Variants in MARK3 observed in about 807,000 individuals in gnomAD.
MARK3 encodes microtubule affinity regulating kinase 3.
Under a neutral mutation model 90.1 loss-of-function variants are expected in MARK3, and 46 were observed. The observed-to-expected ratio is 0.51, with a 90% CI of 0.40 to 0.65. The LOEUF is 0.65. Among genes scored for constraint, MARK3 ranks in the 30% least tolerant of loss-of-function variants. The pLI is 0.00. For missense variants in MARK3, 818 were observed against 947.2 expected (o/e 0.86, Z 1.79); for synonymous variants, 321 against 332.6 (o/e 0.97, Z 0.38).
intron 1 of MARK3, among the ~76,000 whole-genome samples, chr14:103,387,023 A>C (rs8004780): frequency 0.33 from 49,922 of 152,110 alleles, 8,601 homozygotes; most frequent in Non-Finnish European, 0.36. Context: ...CTAGTTGTTG[A>C]CTATATTCTG....
intron 15 of MARK3, among the ~76,000 whole-genome samples, chr14:103,497,501 A>C (rs1286111328): frequency 6.6e-6 from 1 of 152,222 alleles, no homozygotes; most frequent in Non-Finnish European, 1.5e-5. Context: ...TTTCAGCACA[A>C]CCTGCACATC....
At chr14:103,430,292 G>A (rs1416110333) in intron 3 of MARK3, among the ~76,000 whole-genome samples, 1 of 152,048 alleles carries the variant, frequency 6.6e-6, no homozygotes, top group Non-Finnish European at 1.5e-5. Context: ...AACTTCATAT[G>A]CTTATGAAGT....
chr14:103,415,917 A>G (rs1367949436), intron 2 of MARK3, among the ~76,000 whole-genome samples: 1 of 152,154 alleles, frequency 6.6e-6, no homozygotes, highest in Non-Finnish European at 1.5e-5. Context: ...CTCCAAATTT[A>G]TCATTTTAAA....
Position 103,428,407 on chromosome 14 carries a change from C to A in MARK3, c.264C>A (p.Asp88Glu). ...TGREVAIKII[D>E]KTQLNPTSLQ... is the part of the protein sequence containing the mutation. Reference sequence around the variant, plus strand: ...TCTAGGTTGCAATAAAAATAATTGACAAAACTCAGTTGAATCCAACAAGTC... The same window carrying A: ...TCTAGGTTGCAATAAAAATAATTGAAAAAACTCAGTTGAATCCAACAAGTC... Residue 88 changes from aspartate to glutamate, a missense_variant, in exon 3 of 18, where the codon GAC (aspartate) becomes GAA (glutamate). Transcript: ENST00000429436. The A allele has an allele frequency of 6.7e-7, 1 of 1,494,118 alleles. No homozygotes were observed. The allele number at this position is 1,494,118 out of a possible 1,614,324, so 92.6% of individuals were successfully genotyped here.
rs116882070 is a variant in MARK3, at chr14:103,400,012, G to C, written c.52-5064G>C. 4.2e-4 allele frequency among the ~76,000 whole-genome samples: 63 copies of C among 151,208 alleles called. No homozygotes were observed. In the East Asian group the frequency reaches 0.011, roughly 27 times the overall value. On this transcript the variant is annotated intron_variant, in intron 1 of 17. Coordinates refer to ENST00000429436, the MANE Select transcript of MARK3 (RefSeq NM_001128918.3). ...GGCGGAATCTCAGCTCACTGCAACTGTCGCCTCCCTTGTTCAAGCGATTCT... is the reference window on the plus strand; with the variant it reads ...GGCGGAATCTCAGCTCACTGCAACTCTCGCCTCCCTTGTTCAAGCGATTCT...
chr14:103,480,655 T>A (rs1485800354), intron 14 of MARK3, among the ~76,000 whole-genome samples, 165 bp downstream of exon 14: 1 of 152,246 alleles, frequency 6.6e-6, no homozygotes, highest in African/African-American at 2.4e-5. Context: ...ACTAGAATTC[T>A]AAATTCTTTT....
intron 1 of MARK3, among the ~76,000 whole-genome samples, chr14:103,392,836 A>T (rs2090344167): frequency 6.6e-6 from 1 of 150,666 alleles, no homozygotes; most frequent in Non-Finnish European, 1.5e-5. Flanking sequence ...CCTGAGGCGG[A>T]GTCTCACACT....
At chr14:103,415,150 CAAAAAA>C (rs34245934) in intron 2 of MARK3, among the ~76,000 whole-genome samples, 2 of 37,708 alleles carry the variant, frequency 5.3e-5, no homozygotes, top group South Asian at 1.9e-3. Context: ...GACCTTGTCT[CAAAAAA>C]AAAAAAAAAA....
intron 15 of MARK3, among the ~76,000 whole-genome samples, chr14:103,495,424 G>C (rs1053775916): frequency 6.7e-6 from 1 of 149,406 alleles, no homozygotes; most frequent in African/African-American, 2.5e-5. Flanking sequence ...AGGTTGCAGA[G>C]AGCCAAGATC....
At chr14:103,409,852 C>A (rs1566789409) in intron 2 of MARK3, among the ~76,000 whole-genome samples, 1 of 152,030 alleles carries the variant, frequency 6.6e-6, no homozygotes, top group Non-Finnish European at 1.5e-5. Flanking sequence ...AGGGTTGTTT[C>A]TAAATTTTTG....
At chr14:103,444,086 CTTTTT>C (rs10676381) in intron 3 of MARK3, among the ~76,000 whole-genome samples, 1 of 116,404 alleles carries the variant, frequency 8.6e-6, no homozygotes, top group Admixed American at 9.1e-5. Context: ...GTAAAATTGT[CTTTTT>C]TTTTTTTTTT....
chr14:103,452,832 G>A (rs1207345202), intron 5 of MARK3, among the ~76,000 whole-genome samples: 1 of 152,210 alleles, frequency 6.6e-6, no homozygotes, highest in East Asian at 1.9e-4. Context: ...GTTCATCCAT[G>A]CTGTAGCATG....
At chr14:103,401,242 A>G (rs1410164007) in intron 1 of MARK3, among the ~76,000 whole-genome samples, 3 of 152,156 alleles carry the variant, frequency 2.0e-5, no homozygotes, top group Non-Finnish European at 2.9e-5. Flanking sequence ...AAATTTTTTA[A>G]TTTAAGGACT....
intron 3 of MARK3, among the ~76,000 whole-genome samples, chr14:103,446,171 G>T (rs950032882): frequency 2.6e-5 from 4 of 152,130 alleles, no homozygotes; most frequent in African/African-American, 9.7e-5. Flanking sequence ...ACTTAGATAC[G>T]TTTTCAGAGA....
intron 2 of MARK3, among the ~76,000 whole-genome samples, chr14:103,424,694 G>A (rs1481145084): frequency 6.6e-6 from 1 of 152,144 alleles, no homozygotes; most frequent in Non-Finnish European, 1.5e-5. Context: ...TGGCCATGAA[G>A]AGGAGGAGGA....
At chr14:103,397,006 TGGG>T (rs971058366) in intron 1 of MARK3, among the ~76,000 whole-genome samples, 2 of 152,168 alleles carry the variant, frequency 1.3e-5, no homozygotes, top group East Asian at 1.9e-4. Context: ...ATTGAAATAT[TGGG>T]GGGTATATTG....
chr14:103,456,516 G>C (rs1205639788), intron 5 of MARK3, among the ~76,000 whole-genome samples: 1 of 152,150 alleles, frequency 6.6e-6, no homozygotes, highest in Non-Finnish European at 1.5e-5. Context: ...ACACCCTCAA[G>C]TAGTCAGCAA....
intron 2 of MARK3, among the ~76,000 whole-genome samples, chr14:103,427,239 C>T (rs1566823776): frequency 1.3e-5 from 2 of 151,220 alleles, no homozygotes; most frequent in Non-Finnish European, 1.5e-5. Context: ...GTGGCTCACA[C>T]GTGTAATCCT....
In MARK3 at chr14:103,480,424, C is replaced by CTTA. The variant is rs1257452896; in HGVS notation, c.1522_1524dup (p.Tyr508dup). On this transcript the variant is annotated inframe_insertion, in exon 14 of 18. Coordinates refer to ENST00000429436, the MANE Select transcript of MARK3 (RefSeq NM_001128918.3). ...TCTGGTGGAATGACACGACGAAATA[C>CTTA]TTATGTTTGCAGTGAGAGAACTACA... The CTTA allele has an allele frequency of 1.9e-6, 3 of 1,613,280 alleles. No homozygotes were observed. Among genetic ancestry groups the CTTA allele is most frequent in the Non-Finnish European group, 2.5e-6 (3 of 1,179,534 alleles).
Sources: allele counts gnomAD v4.1 joint callset (sites outside exome capture counted in the v4.1 genomes callset), GRCh38; gene constraint gnomAD v4.1.1; transcripts MANE v1.5; gene names NCBI Gene and HGNC (gene_info 2026-07-23, HGNC 2026-07-21).